Variants in WDR70 observed in about 807,000 individuals in gnomAD.
WDR70 encodes WD repeat domain 70.
A neutral mutation model predicts 88.6 loss-of-function variants in WDR70; 53 were observed. The observed-to-expected ratio is 0.60, with a 90% CI of 0.48 to 0.75. The LOEUF is 0.75. WDR70 is among the 30% of genes least tolerant of loss of function. The probability of loss-of-function intolerance (pLI) is 0.00; values close to 1 mark genes in which losing one functional copy is unlikely to be tolerated. For missense variants in WDR70, 610 were observed against 823.2 expected (o/e 0.74, Z 3.17); for synonymous variants, 280 against 270.0 (o/e 1.04, Z -0.36).
intron 17 of WDR70, among the ~76,000 whole-genome samples, chr5:37,728,690 A>C (rs913649399): frequency 2.0e-5 from 3 of 152,134 alleles, no homozygotes; most frequent in African/African-American, 4.8e-5. Context: ...CACTTGCTTA[A>C]GGTTATATCT....
intron 5 of WDR70, among the ~76,000 whole-genome samples, chr5:37,403,939 G>C (rs1453446983): frequency 6.6e-6 from 1 of 152,048 alleles, no homozygotes; most frequent in East Asian, 1.9e-4. Context: ...GTGGGGTCTT[G>C]CTCTCTTGTC....
rs970163407 is a variant in WDR70, at chr5:37,396,448, C to T, written c.370C>T (p.Pro124Ser). ...TGAGTTAATTGGCCCTCCTTTACCC[C>T]CTAAAATGGTAGGAAAACCAGTTAA... Reference protein sequence around the residue: ...DDELIGPPLPPKMVGKPVNFM... With the variant: ...DDELIGPPLPSKMVGKPVNFM... The change falls in exon 5 of 18, where the codon CCT becomes TCT. Residue 124 changes from proline to serine, a missense_variant. Transcript: ENST00000265107. The T allele has an allele frequency of 1.2e-6, 2 of 1,613,828 alleles. No individual in the cohort carries two copies. The highest frequency in any genetic ancestry group is 1.7e-6 in the Non-Finnish European group (2 of 1,180,010).
At position 37,423,770 on chromosome 5, in the gene WDR70, G is replaced by A. The variant is rs533712589; in HGVS notation, c.493-14152G>A. 2.8e-3 allele frequency among the ~76,000 whole-genome samples: 425 copies of A among 149,326 alleles called. 4 individuals carry two copies. Among genetic ancestry groups the A allele is most frequent in the Admixed American group, 5.1e-3 (77 of 15,068 alleles). ...TAGTAGAGATGGGGTTTCACTGTTG[G>A]CCAGGCTGTTCTCAAACTCCTGACC... On this transcript the variant is annotated intron_variant, in intron 5 of 17. Transcript: ENST00000265107.
intron 10 of WDR70, among the ~76,000 whole-genome samples, chr5:37,668,653 C>T (rs772725629): frequency 3.9e-5 from 6 of 152,152 alleles, no homozygotes; most frequent in Admixed American, 6.5e-5. Flanking sequence ...GATTCCAGAG[C>T]GGTGGCATCA....
At chr5:37,462,352 T>G (rs1457967803) in intron 7 of WDR70, among the ~76,000 whole-genome samples, 1 of 152,142 alleles carries the variant, frequency 6.6e-6, no homozygotes, top group Non-Finnish European at 1.5e-5. Flanking sequence ...GCCCAGGCTG[T>G]AGTGCGGTGG....
At chr5:37,569,125 C>G (rs1742828177) in intron 9 of WDR70, among the ~76,000 whole-genome samples, 1 of 152,160 alleles carries the variant, frequency 6.6e-6, no homozygotes, top group Non-Finnish European at 1.5e-5. Context: ...AGAATTATGT[C>G]AACCTGTCAG....
chr5:37,570,732 T>C (rs1218149861), intron 9 of WDR70, among the ~76,000 whole-genome samples: 1 of 152,164 alleles, frequency 6.6e-6, no homozygotes, highest in African/African-American at 2.4e-5. Flanking sequence ...TGAAGAAATG[T>C]CTTTTGGTTT....
At chr5:37,407,740 G>C (rs1223488620) in intron 5 of WDR70, among the ~76,000 whole-genome samples, 1 of 151,644 alleles carries the variant, frequency 6.6e-6, no homozygotes, top group African/African-American at 2.4e-5. Context: ...TGTTGCCTAG[G>C]CTGGTTTCAA....
At chr5:37,485,334 C>A (rs913279369) in intron 8 of WDR70, among the ~76,000 whole-genome samples, 1 of 152,192 alleles carries the variant, frequency 6.6e-6, no homozygotes, top group Admixed American at 6.5e-5. Flanking sequence ...ACAGCACTTT[C>A]ATAGTCATGT....
At chr5:37,455,636 C>CTTTTTTTTT (rs59254502) in intron 7 of WDR70, among the ~76,000 whole-genome samples, 3,059 of 70,390 alleles carry the variant, frequency 0.043, 538 homozygotes, top group Non-Finnish European at 0.062. Flanking sequence ...TTCTCTTTAT[C>CTTTTTTTTT]TTTTTTTTTT....
At chr5:37,555,953 A>AG (rs1561899998) in intron 9 of WDR70, among the ~76,000 whole-genome samples, 1 of 152,136 alleles carries the variant, frequency 6.6e-6, no homozygotes, top group African/African-American at 2.4e-5. Flanking sequence ...TCCTGACGTC[A>AG]GGTGATCCAC....
intron 7 of WDR70, among the ~76,000 whole-genome samples, chr5:37,475,452 G>A (rs1385995642): frequency 6.6e-6 from 1 of 151,854 alleles, no homozygotes; most frequent in Non-Finnish European, 1.5e-5. Flanking sequence ...TGGTCAGGCT[G>A]GTCTTGAACT....
intron 10 of WDR70, among the ~76,000 whole-genome samples, chr5:37,608,190 C>T (rs1176389482): frequency 4.6e-5 from 7 of 151,990 alleles, no homozygotes; most frequent in South Asian, 2.1e-4. Flanking sequence ...TACAGGCATG[C>T]GCTACCACAC....
rs952570143 is a variant in WDR70 at position 37,721,025 on chromosome 5, G to T, written c.1417-90G>T. The T allele has an allele frequency of 2.9e-6, 3 of 1,047,028 alleles. No individual in the cohort carries two copies. The African/African-American group carries it at 4.8e-5, about 17-fold the overall frequency. 64.9% of individuals were successfully genotyped at this position (1,047,028 alleles called of 1,614,324 possible). ...GAGGTAAACCATCAGGATGATATTT[G>T]ATATAGTAGACTAGCCATCAAAGTA... On this transcript the variant is annotated intron_variant, in intron 13 of 17. Coordinates refer to ENST00000265107, the MANE Select transcript of WDR70 (RefSeq NM_018034.4).
At chr5:37,646,760 A>C (rs1195127967) in intron 10 of WDR70, among the ~76,000 whole-genome samples, 1 of 151,844 alleles carries the variant, frequency 6.6e-6, no homozygotes, top group Non-Finnish European at 1.5e-5. Flanking sequence ...TATATTATTT[A>C]TTTCTTTTCT....
At chr5:37,505,802 G>C in intron 8 of WDR70, 3 of 1,401,774 alleles carry the variant, frequency 2.1e-6, no homozygotes, top group Non-Finnish European at 3.0e-6. Context: ...ACAGATCACA[G>C]TTCTCTAAAT....
At chr5:37,613,011 T>C (rs568847169) in intron 10 of WDR70, among the ~76,000 whole-genome samples, 36 of 152,332 alleles carry the variant, frequency 2.4e-4, no homozygotes, top group Admixed American at 9.8e-4. Context: ...ATTTGTCAAT[T>C]ATTTTCATAG....
intron 8 of WDR70, among the ~76,000 whole-genome samples, chr5:37,481,488 C>T (rs1739668245): frequency 6.6e-6 from 1 of 152,136 alleles, no homozygotes; most frequent in Non-Finnish European, 1.5e-5. Context: ...GACTTGCACC[C>T]TCTGAAGCCA....
chr5:37,592,667 A>T (rs1743566193), intron 9 of WDR70, among the ~76,000 whole-genome samples: 1 of 152,206 alleles, frequency 6.6e-6, no homozygotes, highest in Non-Finnish European at 1.5e-5. Flanking sequence ...GGGATGTTCA[A>T]TCTGAAATAC....
Sources: allele counts gnomAD v4.1 joint callset (sites outside exome capture counted in the v4.1 genomes callset), GRCh38; gene constraint gnomAD v4.1.1; transcripts MANE v1.5; gene names NCBI Gene and HGNC (gene_info 2026-07-23, HGNC 2026-07-21).